The following PRKDC variants were observed in gnomAD, a reference collection of about 807,000 sequenced individuals.
PRKDC encodes DNA-dependent protein kinase catalytic subunit.
In PRKDC, 82 loss-of-function variants were observed where a neutral mutation model predicts 486.9. The ratio of observed to expected loss-of-function variants is 0.17; its 90% confidence interval spans 0.14 to 0.20. PRKDC has a LOEUF of 0.20. PRKDC is among the 10% of genes least tolerant of loss of function. The probability of loss-of-function intolerance (pLI) is 1.00; values close to 1 mark genes in which losing one functional copy is unlikely to be tolerated. For synonymous variants in PRKDC, 1,895 were observed against 1,837.0 expected (o/e 1.03, Z -0.81); for missense variants, 4,504 against 5,038.2 (o/e 0.89, Z 3.21).
chr8:47,947,242 T>C (rs975704767), intron 7 of PRKDC, among the ~76,000 whole-genome samples: 1 of 152,190 alleles, frequency 6.6e-6, no homozygotes, highest in African/African-American at 2.4e-5. Flanking sequence ...CTCCTTCTGA[T>C]CACGACTTCT....
At chr8:47,857,469 A>G (rs2088571534) in intron 48 of PRKDC, among the ~76,000 whole-genome samples, 170 bp from the exon 49 acceptor site, 1 of 152,236 alleles carries the variant, frequency 6.6e-6, no homozygotes, top group African/African-American at 2.4e-5. Context: ...CTAATCAAAT[A>G]TGACTGGTGT....
chr8:47,820,322 A>AC (rs2087558220), intron 66 of PRKDC, among the ~76,000 whole-genome samples: 1 of 152,092 alleles, frequency 6.6e-6, no homozygotes, highest in Non-Finnish European at 1.5e-5. Context: ...AATCACTTGA[A>AC]CCAGATTGCG....
intron 31 of PRKDC, 109 bp from the exon 32 acceptor site, chr8:47,890,589 T>C: frequency 2.9e-6 from 2 of 690,034 alleles, no homozygotes; most frequent in Non-Finnish European, 4.6e-6. Context: ...CAGCAAAAAT[T>C]CAAAATTTTT....
At position 47,879,468 on chromosome 8, in the gene PRKDC, A is replaced by C. The variant is rs770516809; in HGVS notation, c.5235+23T>G. ...AAAAAAAAAACAGTGTTTTAATTTTACTTGATACTACTAGAAACTAACCTT... is the reference window on the plus strand; with the variant it reads ...AAAAAAAAAACAGTGTTTTAATTTTCCTTGATACTACTAGAAACTAACCTT... On this transcript the variant is annotated intron_variant, in intron 39 of 85. Transcript: ENST00000314191. 2.0e-6 allele frequency: 3 copies of C among 1,515,528 alleles called. No individual in the cohort carries two copies. The South Asian group carries it at 3.9e-5, about 20-fold the overall frequency. The allele number at this position is 1,515,528 out of a possible 1,614,324, so 93.9% of individuals were successfully genotyped here.
chr8:47,808,984 A>C (rs2087270809), intron 68 of PRKDC, among the ~76,000 whole-genome samples: 3 of 151,882 alleles, frequency 2.0e-5, no homozygotes, highest in Non-Finnish European at 4.4e-5. Flanking sequence ...TGACTGCACC[A>C]CTGCACTCCA....
At chr8:47,887,205 C>T (rs1387213527) in intron 35 of PRKDC, among the ~76,000 whole-genome samples, 1 of 152,094 alleles carries the variant, frequency 6.6e-6, no homozygotes, top group Non-Finnish European at 1.5e-5. Context: ...CCTTCAGAGG[C>T]CCTCCCAATC....
intron 7 of PRKDC, among the ~76,000 whole-genome samples, chr8:47,953,141 A>C (rs1046122583): frequency 4.7e-5 from 7 of 149,462 alleles, no homozygotes; most frequent in African/African-American, 1.7e-4. Context: ...ACTCTGTTTA[A>C]AAAAAAAAAG....
At chr8:47,781,757 T>C (rs1329725432) in intron 80 of PRKDC, among the ~76,000 whole-genome samples, 1 of 152,198 alleles carries the variant, frequency 6.6e-6, no homozygotes, top group East Asian at 1.9e-4. Flanking sequence ...ACAGGTTACT[T>C]GACCTTTCTG....
Position 47,914,017 on chromosome 8 carries a change from C to T in PRKDC, c.2665G>A (p.Glu889Lys), listed in dbSNP as rs1378956780. 4.4e-6 allele frequency: 7 copies of T among 1,599,242 alleles called. No homozygotes were observed. The highest frequency in any genetic ancestry group is 6.0e-6 in the Non-Finnish European group (7 of 1,172,782). ...GGCACTGCAAAGCTCAGCCGCTTCT[C>T]TCTGTCCCAGGCCACATAGCTCTTC... The part of the protein sequence containing the change: ...MMKSYVAWDR[E>K]KRLSFAVPFR... The change falls in exon 24 of 86, where the codon GAG becomes AAG. Residue 889 changes from glutamate (E) to lysine (K), a missense_variant. Physicochemically the swap from Glu to Lys is moderately conservative, Grantham distance 56 (BLOSUM62 1). Coordinates refer to ENST00000314191, the MANE Select transcript of PRKDC (RefSeq NM_006904.7).
In PRKDC at chr8:47,778,752, C is replaced by T; in HGVS notation, c.11627G>A (p.Ser3876Asn). 4 of 1,613,836 alleles carry T rather than the reference C, an allele frequency of 2.5e-6. No homozygotes were observed. Among genetic ancestry groups the T allele is most frequent in the Non-Finnish European group, 3.4e-6 (4 of 1,179,812 alleles). ...CTTTAAGAGATCAGCAGGCACTTTA[C>T]TTTCTCGTTTTCTAAAAGACGTGAC... ...ETVTSFRKRESKVPADLLKRA... is the reference protein window; with the variant it reads ...ETVTSFRKRENKVPADLLKRA... Residue 3876 changes from serine (S) to asparagine (N), a missense_variant, in exon 82 of 86, where the codon AGT (serine) becomes AAT (asparagine). Around this residue, in one of 6 missense-constraint regions of PRKDC, gnomAD observed 706 missense variants for 945.0 expected, o/e 0.75. Coordinates refer to ENST00000314191, the MANE Select transcript of PRKDC (RefSeq NM_006904.7).
Position 47,957,391 on chromosome 8 carries a change from C to G in PRKDC, c.195G>C (p.Leu65Phe). 2 of 1,596,346 alleles carry G rather than the reference C, an allele frequency of 1.3e-6. No individual in the cohort carries two copies. The highest frequency in any genetic ancestry group is 1.7e-6 in the Non-Finnish European group (2 of 1,170,666). Reference protein sequence around the residue: ...TSLVFSRDFGLLVFVRKSLNS... With the variant: ...TSLVFSRDFGFLVFVRKSLNS... ...TGAGTGACTTCCGGACAAATACAAG[C>G]AAACCGAAATCTCTGGAAAAAACTA... is the stretch of plus-strand genomic sequence containing the variant. Residue 65 changes from leucine to phenylalanine, a missense_variant, in exon 2 of 86, where the codon TTG becomes TTC. By Grantham distance (22) the Leu-to-Phe change is conservative (BLOSUM62 0). Coordinates refer to ENST00000314191, the MANE Select transcript of PRKDC (RefSeq NM_006904.7).
Position 47,874,215 on chromosome 8 carries a change from C to T in PRKDC, c.5363+3509G>A, listed in dbSNP as rs56328818. On this transcript the variant is annotated intron_variant, in intron 40 of 85. Coordinates refer to ENST00000314191, the MANE Select transcript of PRKDC (RefSeq NM_006904.7). ...CTGCCCGCCTTGGCCTCCCAAAGTG[C>T]TGGGATTACAGGCATGAGCCACTGC... Among the ~76,000 whole-genome samples the T allele has an allele frequency of 5.2e-3, 791 of 151,920 alleles. 12 individuals carry two copies. The highest frequency in any genetic ancestry group is 0.018 in the African/African-American group (766 of 41,436).
rs1281041907 is a variant in PRKDC, at chr8:47,849,267, A to G, written c.7167T>C (p.Phe2389=). The G allele has an allele frequency of 6.2e-7, 1 of 1,613,996 alleles. No individual in the cohort carries two copies. The highest frequency in any genetic ancestry group is 8.5e-7 in the Non-Finnish European group (1 of 1,179,888). The change falls in exon 54 of 86, where the codon TTT becomes TTC. Residue 2389 remains phenylalanine (F), a synonymous_variant. Coordinates refer to ENST00000314191, the MANE Select transcript of PRKDC (RefSeq NM_006904.7). The part of the protein sequence containing the change: ...MNAVFFLLPK[F]HGVLKTLCLE... ...GACAGAGTGTTTTCAACACTCCATG[A>G]AATTTTGGCAGCAGAAAGAACACAG...
In PRKDC at chr8:47,836,391, C is replaced by T; in HGVS notation, c.7898G>A (p.Gly2633Glu). The change falls in exon 58 of 86, where the codon GGG becomes GAG. Residue 2633 changes from glycine (G) to glutamate (E), a missense_variant. By Grantham distance (98) the Gly-to-Glu change is moderately conservative (BLOSUM62 -2). Coordinates refer to ENST00000314191, the MANE Select transcript of PRKDC (RefSeq NM_006904.7). ...CTGCTGCTGGGTGGCCCTTATCTGC[C>T]CTGCCACTGGCCAGCGAGCTGAGAG... is the stretch of plus-strand genomic sequence containing the variant. ...GSLSARWPVAGQIRATQQQHD... is the reference protein window; with the variant it reads ...GSLSARWPVAEQIRATQQQHD... 1.2e-6 allele frequency: 2 copies of T among 1,610,792 alleles called. No individual in the cohort carries two copies. The highest frequency in any genetic ancestry group is 1.7e-6 in the Non-Finnish European group (2 of 1,178,174).
At chr8:47,833,972 C>T (rs2087946750) in intron 59 of PRKDC, among the ~76,000 whole-genome samples, 1 of 152,230 alleles carries the variant, frequency 6.6e-6, no homozygotes, top group Admixed American at 6.5e-5. Context: ...TCCAGAAGAT[C>T]ACTCAACAAT....
At chr8:47,868,138 T>C (rs899880630) in intron 40 of PRKDC, among the ~76,000 whole-genome samples, 3 of 152,236 alleles carry the variant, frequency 2.0e-5, no homozygotes, top group African/African-American at 7.2e-5. Flanking sequence ...CTTACTGGTC[T>C]ATAGTTTTCT....
At chr8:47,797,216 T>C (rs909321154) in intron 73 of PRKDC, among the ~76,000 whole-genome samples, 4 of 152,224 alleles carry the variant, frequency 2.6e-5, no homozygotes, top group African/African-American at 9.6e-5. Flanking sequence ...GTCTACTGGG[T>C]GTTTTGACAA....
At chr8:47,942,602 T>G (rs1239382567) in intron 10 of PRKDC, among the ~76,000 whole-genome samples, 1 of 152,166 alleles carries the variant, frequency 6.6e-6, no homozygotes, top group Non-Finnish European at 1.5e-5. Flanking sequence ...AAACATTTGT[T>G]GTGAATCTCC....
intron 54 of PRKDC, among the ~76,000 whole-genome samples, chr8:47,847,284 G>A (rs188878507): frequency 3.5e-3 from 528 of 151,846 alleles, no homozygotes; most frequent in Non-Finnish European, 5.7e-3. Context: ...ACTGGTCGGG[G>A]GAAAAAACAA....
Sources: gnomAD v4.1 joint callset for allele counts (sites outside exome capture counted in the v4.1 genomes callset) on GRCh38, gnomAD v4.1.1 for gene constraint, gnomAD v4.1.1 regional missense constraint, MANE v1.5 for transcripts, NCBI Gene and HGNC (gene_info 2026-07-23, HGNC 2026-07-21) for gene names.